The following KLHL40 variants were observed in gnomAD, a reference collection of about 807,000 sequenced individuals.
KLHL40 encodes kelch-like protein 40.
Under a neutral mutation model 49.7 loss-of-function variants are expected in KLHL40, and 44 were observed. The observed-to-expected ratio is 0.89, with a 90% CI of 0.70 to 1.14. The LOEUF is 1.14. Ranked by LOEUF, KLHL40 falls within the 50% of genes most tolerant of loss-of-function variation. The pLI, the probability that KLHL40 is intolerant of heterozygous loss-of-function variation, is 0.00. For missense variants in KLHL40, 892 were observed against 850.3 expected, an observed-to-expected ratio of 1.05 and a Z score of -0.61; for synonymous variants, 409 against 365.2, an observed-to-expected ratio of 1.12 and a Z score of -1.37.
At position 42,688,511 on chromosome 3, in the gene KLHL40, C is replaced by A; in HGVS notation, c.1314-99C>A. ...TTCCAGCAATGGATCTGACGCATCTCGAATATGTGTTAGGTGGATGGGCGG... is the reference window on the plus strand; with the variant it reads ...TTCCAGCAATGGATCTGACGCATCTAGAATATGTGTTAGGTGGATGGGCGG... On this transcript the variant is annotated intron_variant, in intron 2 of 5. Coordinates refer to ENST00000287777, the MANE Select transcript of KLHL40 (RefSeq NM_152393.4). This position sits in a 1 kb window ranked among gnomAD's most constrained non-coding sequence, Gnocchi z 4.2. 9.7e-7 allele frequency: 1 copy of A among 1,033,378 alleles called. No homozygotes were observed. Among genetic ancestry groups the A allele is most frequent in the Non-Finnish European group, 1.5e-6 (1 of 678,366 alleles). 64.0% of individuals were successfully genotyped at this position (1,033,378 alleles called of 1,614,324 possible).
Position 42,688,112 on chromosome 3 carries a change from G to T in KLHL40, c.1153-30G>T. 6.2e-7 allele frequency: 1 copy of T among 1,613,358 alleles called. No individual in the cohort carries two copies. Among genetic ancestry groups the T allele is most frequent in the African/African-American group, 1.3e-5 (1 of 74,964 alleles). On this transcript the variant is annotated intron_variant, in intron 1 of 5. Transcript: ENST00000287777. This position sits in a 1 kb window ranked among gnomAD's most constrained non-coding sequence, Gnocchi z 4.2. Reference sequence around the variant, plus strand: ...TGGGCTGAGGCTGGGGGAGTGGGGGGCGGTAGCTGACTGGACACCTGGCCT... The same window carrying T: ...TGGGCTGAGGCTGGGGGAGTGGGGGTCGGTAGCTGACTGGACACCTGGCCT...
chr3:42,688,265 G>C lies in KLHL40; in HGVS notation c.1276G>C (p.Glu426Gln). ...VVGGREIKDG[E>Q]RCLDSVMCYD... ...CGGTGGCAGAGAGATCAAGGACGGC[G>C]AGCGCTGCCTGGACTCGGTCATGTG... The change falls in exon 2 of 6, where the codon GAG becomes CAG. Residue 426 changes from glutamate (E) to glutamine (Q), a missense_variant. Coordinates refer to ENST00000287777, the MANE Select transcript of KLHL40 (RefSeq NM_152393.4). The surrounding 1 kb of genome is among the most constrained non-coding windows in gnomAD (Gnocchi z 4.2). 2 of 1,613,986 alleles carry C rather than the reference G, an allele frequency of 1.2e-6. No individual in the cohort carries two copies. The highest frequency in any genetic ancestry group is 2.7e-5 in the African/African-American group (2 of 74,984).
rs745851122 is a variant in KLHL40, at chr3:42,688,756, A to T, written c.1421+39A>T. 1.3e-6 allele frequency: 2 copies of T among 1,590,572 alleles called. No homozygotes were observed. Among genetic ancestry groups the T allele is most frequent in the Non-Finnish European group, 1.7e-6 (2 of 1,158,798 alleles). ...TGGAGTGAGTCTGTGGAGCAGAGGT[A>T]GAATCTCCCAGAGGCTGTCAGGGGT... is the stretch of plus-strand genomic sequence containing the variant. On this transcript the variant is annotated intron_variant, in intron 3 of 5. Coordinates refer to ENST00000287777, the MANE Select transcript of KLHL40 (RefSeq NM_152393.4). This position sits in a 1 kb window ranked among gnomAD's most constrained non-coding sequence, Gnocchi z 4.2.
rs1200155103 is a variant in KLHL40, at chr3:42,685,861, G to A, written c.243G>A (p.Val81=). 2 of 1,612,872 alleles carry A rather than the reference G, an allele frequency of 1.2e-6. No individual in the cohort carries two copies. The highest frequency in any genetic ancestry group is 2.7e-5 in the African/African-American group (2 of 74,930). The change falls in exon 1 of 6, where the codon GTG becomes GTA. Residue 81 remains valine (V), a synonymous_variant. Transcript: ENST00000287777. ...ACCTGGAGGAGGTGTCCCCGGACGT[G>A]GTGGCCCAGGTGCTGCACTACCTGT... The part of the protein sequence containing the change: ...ELHLEEVSPD[V]VAQVLHYLYT...
Position 42,686,000 on chromosome 3 carries a change from CTG to C in KLHL40, c.385_386del (p.Cys129ProfsTer39). 1.2e-6 allele frequency: 2 copies of C among 1,611,396 alleles called. No homozygotes were observed. The highest frequency in any genetic ancestry group is 1.7e-6 in the Non-Finnish European group (2 of 1,179,984). Reference protein sequence around the residue: ...TICVSFLQKRLCLSNCLAVFR... With the variant: ...TICVSFLQKRXCLSNCLAVFR... ...CTGCGTGTCCTTCCTGCAGAAGCGC[CTG>C]TGCCTCTCCAACTGCTTGGCCGTCT... On this transcript the variant is annotated frameshift_variant, in exon 1 of 6. Transcript: ENST00000287777. LOFTEE classifies it high-confidence loss of function.
Position 42,688,765 on chromosome 3 carries a change from C to G in KLHL40, c.1421+48C>G. 1 of 1,587,218 alleles carries G rather than the reference C, an allele frequency of 6.3e-7. No homozygotes were observed. Among genetic ancestry groups the G allele is most frequent in the South Asian group, 1.1e-5 (1 of 90,530 alleles). ...TCTGTGGAGCAGAGGTAGAATCTCCCAGAGGCTGTCAGGGGTTTGTCCTGG... is the reference window on the plus strand; with the variant it reads ...TCTGTGGAGCAGAGGTAGAATCTCCGAGAGGCTGTCAGGGGTTTGTCCTGG... On this transcript the variant is annotated intron_variant, in intron 3 of 5. Transcript: ENST00000287777. The surrounding 1 kb of genome is among the most constrained non-coding windows in gnomAD (Gnocchi z 4.2).
Position 42,686,571 on chromosome 3 carries a change from A to G in KLHL40, c.953A>G (p.Asp318Gly), listed in dbSNP as rs1333378812. ...CTGCGCTTCGGCATGTTCCTGCAGG[A>G]TCTCATCTTCATGATCAGTGAGGAG... ...DTLRFGMFLQ[D>G]LIFMISEEGA... is the part of the protein sequence containing the mutation. The change falls in exon 1 of 6, where the codon GAT (aspartate) becomes GGT (glycine). Residue 318 changes from aspartate (D) to glycine (G), a missense_variant. Asp to Gly is a moderately conservative substitution (Grantham distance 94, BLOSUM62 -1). Coordinates refer to ENST00000287777, the MANE Select transcript of KLHL40 (RefSeq NM_152393.4). 3 of 1,614,188 alleles carry G rather than the reference A, an allele frequency of 1.9e-6. No homozygotes were observed. In the East Asian group the frequency reaches 6.7e-5, roughly 36 times the overall value.
At chr3:42,691,034 G>A (rs761629665) in intron 5 of KLHL40, 29 bp downstream of exon 5, 4 of 1,577,460 alleles carry the variant, frequency 2.5e-6, no homozygotes, top group Middle Eastern at 1.7e-4. Flanking sequence ...AGGCAAGGGG[G>A]CATCATGAGC....
chr3:42,689,714 C>T (rs574220095), intron 4 of KLHL40, among the ~76,000 whole-genome samples: 93 of 152,020 alleles, frequency 6.1e-4, no homozygotes, highest in African/African-American at 2.1e-3. Flanking sequence ...GCTGGGGGCA[C>T]AGCGGAGATG....
intron 4 of KLHL40, 87 bp downstream of exon 4, chr3:42,689,141 G>C (rs2125845643): frequency 8.5e-7 from 1 of 1,171,110 alleles, no homozygotes; most frequent in South Asian, 1.5e-5. Context: ...CCCTGTCTTG[G>C]GTCTCCAGTG....
rs796080082 is a variant in KLHL40, at chr3:42,688,269, G to A, written c.1280G>A (p.Arg427His). 3.7e-6 allele frequency: 6 copies of A among 1,613,940 alleles called. No individual in the cohort carries two copies. Among genetic ancestry groups the A allele is most frequent in the East Asian group, 2.2e-5 (1 of 44,860 alleles). ...VGGREIKDGE[R>H]CLDSVMCYDR... The stretch of plus-strand genomic sequence containing the variant: ...GGCAGAGAGATCAAGGACGGCGAGC[G>A]CTGCCTGGACTCGGTCATGTGCTAC... Residue 427 changes from arginine to histidine, a missense_variant, in exon 2 of 6, where the codon CGC (arginine) becomes CAC (histidine). Transcript: ENST00000287777. The surrounding 1 kb of genome is among the most constrained non-coding windows in gnomAD (Gnocchi z 4.2).
Position 42,685,882 on chromosome 3 carries a change from C to T in KLHL40, c.264C>T (p.Tyr88=). The change falls in exon 1 of 6, where the codon TAC becomes TAT. Residue 88 remains tyrosine (Y), a synonymous_variant. Coordinates refer to ENST00000287777, the MANE Select transcript of KLHL40 (RefSeq NM_152393.4). ...ACGTGGTGGCCCAGGTGCTGCACTA[C>T]CTGTACACATCAGAGATCGCGCTGG... ...SPDVVAQVLH[Y]LYTSEIALDE... is the part of the protein sequence containing the mutation. The T allele has an allele frequency of 3.7e-6, 6 of 1,612,702 alleles. No individual in the cohort carries two copies. Among genetic ancestry groups the T allele is most frequent in the Non-Finnish European group, 5.1e-6 (6 of 1,179,990 alleles).
chr3:42,689,055 G>A lies in KLHL40; in HGVS notation c.1607+1G>A. 1 of 1,607,380 alleles carries A rather than the reference G, an allele frequency of 6.2e-7. No homozygotes were observed. Among genetic ancestry groups the A allele is most frequent in the Non-Finnish European group, 8.5e-7 (1 of 1,174,912 alleles). ...AAGTGTACAGCATCACAGACAACAA[G>A]TATGAAAGCTTGTCCCTTCCGCCAA... On this transcript the variant is annotated splice_donor_variant, in intron 4 of 5. Transcript: ENST00000287777. LOFTEE classifies it high-confidence loss of function.
rs1697391304 is a variant in KLHL40 at position 42,692,479 on chromosome 3, C to T, written c.*486C>T. The T allele has an allele frequency of 1.9e-6, 1 of 518,672 alleles. No individual in the cohort carries two copies. Among genetic ancestry groups the T allele is most frequent in the South Asian group, 2.4e-5 (1 of 42,546 alleles). 32.1% of individuals were successfully genotyped at this position (518,672 alleles called of 1,614,324 possible). A position where few individuals can be genotyped will look rare whatever the true frequency, so the allele number is the denominator to read the frequency against. ...AGTCAGTGAGCAGGTGTGTTGAAGACTTGGGGCTTCAGTGTTCTGCTGTTG... is the reference window on the plus strand; with the variant it reads ...AGTCAGTGAGCAGGTGTGTTGAAGATTTGGGGCTTCAGTGTTCTGCTGTTG... On this transcript the variant is annotated 3_prime_UTR_variant, in exon 6 of 6. Coordinates refer to ENST00000287777, the MANE Select transcript of KLHL40 (RefSeq NM_152393.4).
intron 5 of KLHL40, among the ~76,000 whole-genome samples, chr3:42,691,592 G>C (rs1159928855): frequency 6.6e-6 from 1 of 152,102 alleles, no homozygotes; most frequent in Non-Finnish European, 1.5e-5. Flanking sequence ...GGACATTGAT[G>C]GGGTGGTGTG....
At position 42,690,851 on chromosome 3, in the gene KLHL40, A is replaced by AC. The variant is rs773899564; in HGVS notation, c.1608-3dup. The stretch of plus-strand genomic sequence containing the variant: ...ATCCCAATGATGCACCTTCTCACAC[A>AC]CCCCCAGGTGGGCACCCTTCGAGGC... On this transcript the variant is annotated splice_region_variant and splice_polypyrimidine_tract_variant and intron_variant, in intron 4 of 5. Coordinates refer to ENST00000287777, the MANE Select transcript of KLHL40 (RefSeq NM_152393.4). 4.4e-6 allele frequency: 7 copies of AC among 1,587,358 alleles called. No homozygotes were observed. The East Asian group carries it at 1.3e-4, about 31-fold the overall frequency.
intron 1 of KLHL40, 42 bp downstream of exon 1, chr3:42,686,812 C>G (rs1482841797): frequency 6.5e-7 from 1 of 1,533,692 alleles, no homozygotes; most frequent in Non-Finnish European, 8.8e-7. Flanking sequence ...ATGCTGGGCT[C>G]TAGGCACTGT....
In KLHL40 at chr3:42,688,180, G is replaced by A. The variant is rs749787457; in HGVS notation, c.1191G>A (p.Pro397=). ...ACTCAGAGTGGCTGGGGATGCCACC[G>A]CTGCCCTCGCCCCGCTGCCTCTTTG... The part of the protein sequence containing the change: ...HLDSEWLGMP[P]LPSPRCLFGL... Residue 397 remains proline (P), a synonymous_variant, in exon 2 of 6, where the codon CCG becomes CCA. Transcript: ENST00000287777. The surrounding 1 kb of genome is among the most constrained non-coding windows in gnomAD (Gnocchi z 4.2). 3.0e-5 allele frequency: 49 copies of A among 1,613,636 alleles called. No individual in the cohort carries two copies. Among genetic ancestry groups the A allele is most frequent in the East Asian group, 2.2e-5 (1 of 44,882 alleles).
chr3:42,686,211 T>A lies in KLHL40; in HGVS notation c.593T>A (p.Val198Glu), dbSNP rs1457829451. The change falls in exon 1 of 6, where the codon GTG (valine) becomes GAG (glutamate). Residue 198 changes from valine (V) to glutamate (E), a missense_variant. Val to Glu is a moderately radical substitution (Grantham distance 121). Transcript: ENST00000287777. ...VEKEEAVFEA[V>E]MRWAGSGDAE... ...AAGGAGGAGGCAGTGTTCGAGGCGG[T>A]GATGCGGTGGGCGGGTAGCGGCGAC... 2 of 1,566,372 alleles carry A rather than the reference T, an allele frequency of 1.3e-6. No individual in the cohort carries two copies. Among genetic ancestry groups the A allele is most frequent in the Non-Finnish European group, 1.7e-6 (2 of 1,159,202 alleles).
Sources: gnomAD v4.1 joint callset for allele counts (sites outside exome capture counted in the v4.1 genomes callset) on GRCh38, gnomAD v4.1.1 for gene constraint, Gnocchi (gnomAD v3.1) non-coding constraint, MANE v1.5 for transcripts, NCBI Gene and HGNC (gene_info 2026-07-23, HGNC 2026-07-21) for gene names.